The following SEMA5B variants were observed in gnomAD, a reference collection of about 807,000 sequenced individuals.
SEMA5B encodes semaphorin-5B.
Under a neutral mutation model 135.0 loss-of-function variants are expected in SEMA5B, and 66 were observed. The observed-to-expected ratio is 0.49, with a 90% CI of 0.40 to 0.60. SEMA5B has a LOEUF of 0.60. SEMA5B is among the 20% of genes least tolerant of loss of function. The probability of loss-of-function intolerance (pLI) is 0.00; values close to 1 mark genes in which losing one functional copy is unlikely to be tolerated. For synonymous variants in SEMA5B, 690 were observed against 639.5 expected (o/e 1.08, Z -1.19); for missense variants, 1,501 against 1,566.3 (o/e 0.96, Z 0.70).
In SEMA5B at chr3:122,979,568, CAT is replaced by C. The variant is rs1249365811; in HGVS notation, c.-38-18269_-38-18268del. Among the ~76,000 whole-genome samples, 6 of 152,298 alleles carry C rather than the reference CAT, an allele frequency of 3.9e-5. No individual in the cohort carries two copies. The South Asian group carries it at 6.2e-4, about 16-fold the overall frequency. ...TTCAGGGACTTGGAGATGAAATCCA[CAT>C]GTTACCCTATGGCAGCCTTAAGGGA... On this transcript the variant is annotated intron_variant, in intron 1 of 22. Coordinates refer to ENST00000357599, the MANE Select transcript of SEMA5B (RefSeq NM_001031702.4).
intron 3 of SEMA5B, among the ~76,000 whole-genome samples, chr3:122,948,107 A>G (rs1211795047): frequency 6.6e-6 from 1 of 152,114 alleles, no homozygotes; most frequent in African/African-American, 2.4e-5. Flanking sequence ...GACCCTAAAG[A>G]GAGGGATCCC....
At chr3:122,987,969 A>T (rs1427974938) in intron 1 of SEMA5B, among the ~76,000 whole-genome samples, 1 of 152,050 alleles carries the variant, frequency 6.6e-6, no homozygotes, top group Admixed American at 6.6e-5. Context: ...AAATGCTGAG[A>T]CCAGCCATAG....
At chr3:123,012,519 G>A (rs1025665337) in intron 1 of SEMA5B, among the ~76,000 whole-genome samples, 9 of 152,110 alleles carry the variant, frequency 5.9e-5, no homozygotes, top group Non-Finnish European at 1.2e-4. Context: ...CATCCTCCCC[G>A]GTCCTACCCT....
intron 1 of SEMA5B, among the ~76,000 whole-genome samples, chr3:122,973,817 G>C (rs112981031): frequency 2.0e-4 from 31 of 152,250 alleles, no homozygotes; most frequent in Admixed American, 1.9e-3. Context: ...AGTGGGGAAG[G>C]GCAGAGAGGG....
At chr3:122,958,680 G>A (rs962550446) in intron 2 of SEMA5B, among the ~76,000 whole-genome samples, 2 of 152,174 alleles carry the variant, frequency 1.3e-5, no homozygotes, top group African/African-American at 4.8e-5. Context: ...GGGGGACTGG[G>A]GCCCAGAGGG....
At chr3:123,007,786 G>A (rs1169718930) in intron 1 of SEMA5B, among the ~76,000 whole-genome samples, 1 of 152,162 alleles carries the variant, frequency 6.6e-6, no homozygotes, top group Non-Finnish European at 1.5e-5. Context: ...GTGAGAAATA[G>A]ATTCCATTTC....
At position 122,961,171 on chromosome 3, in the gene SEMA5B, T is replaced by C. The variant is rs369169747; in HGVS notation, c.93A>G (p.Thr31=). 5.6e-6 allele frequency: 9 copies of C among 1,613,388 alleles called. No individual in the cohort carries two copies. Among genetic ancestry groups the C allele is most frequent in the African/African-American group, 1.3e-5 (1 of 74,880 alleles). ...TPAQQLRCGW[T]VGGWLLSLVR... is the part of the protein sequence containing the mutation. ...CCAGTGAGAGAAGCCAGCCCCCTAC[T>C]GTCCATCCACACCTTAGCTGTTGGG... Residue 31 remains threonine, a synonymous_variant, in exon 2 of 23, where the codon ACA becomes ACG. Coordinates refer to ENST00000357599, the MANE Select transcript of SEMA5B (RefSeq NM_001031702.4).
chr3:122,961,286 C>T lies in SEMA5B; in HGVS notation c.-23G>A, dbSNP rs764209215. On this transcript the variant is annotated 5_prime_UTR_variant, in exon 2 of 23. Transcript: ENST00000357599. ...CATCCAAGAGACACAGGCCAGGCAC[C>T]AGCTGGAACCACTCACTGAAGGGGG... The T allele has an allele frequency of 3.4e-5, 55 of 1,613,478 alleles. No homozygotes were observed. Among genetic ancestry groups the T allele is most frequent in the Non-Finnish European group, 4.6e-5 (54 of 1,179,738 alleles).
chr3:122,930,417 G>A (rs1040348127), intron 5 of SEMA5B, among the ~76,000 whole-genome samples: 1 of 152,246 alleles, frequency 6.6e-6, no homozygotes, highest in Admixed American at 6.5e-5. Flanking sequence ...AGAAACAACC[G>A]AGCACTGTCA....
At chr3:122,997,567 A>T (rs1047999346) in intron 1 of SEMA5B, among the ~76,000 whole-genome samples, 2 of 149,642 alleles carry the variant, frequency 1.3e-5, no homozygotes, top group Non-Finnish European at 3.0e-5. Context: ...GGAGGCCAAG[A>T]GGGGTAATGG....
intron 1 of SEMA5B, among the ~76,000 whole-genome samples, chr3:122,971,755 C>T (rs1405977199): frequency 2.0e-5 from 3 of 152,184 alleles, no homozygotes; most frequent in African/African-American, 4.8e-5. Flanking sequence ...AGGTGCGGCA[C>T]GGTGAGAAGA....
chr3:122,933,322 C>T (rs1324694431), intron 5 of SEMA5B, among the ~76,000 whole-genome samples: 2 of 152,130 alleles, frequency 1.3e-5, no homozygotes, highest in East Asian at 1.9e-4. Flanking sequence ...TCTCTTCATA[C>T]TTGATTGGTA....
chr3:123,018,981 C>T (rs928163416), intron 1 of SEMA5B, among the ~76,000 whole-genome samples: 1 of 152,154 alleles, frequency 6.6e-6, no homozygotes, highest in Non-Finnish European at 1.5e-5. Flanking sequence ...GGGATGAGGA[C>T]ATGACCCAGG....
rs575126031 is a variant in SEMA5B at position 122,916,945 on chromosome 3, A to G, written c.1689-1055T>C. ...CATGCCCCAAATGCCTCCACTTCTC[A>G]TAGTCCAGAGCTTCTTTCTTCTTTT... On this transcript the variant is annotated intron_variant, in intron 12 of 22. Transcript: ENST00000357599. 3.9e-5 allele frequency among the ~76,000 whole-genome samples: 6 copies of G among 152,336 alleles called. No individual in the cohort carries two copies. The South Asian group carries it at 1.0e-3, about 26-fold the overall frequency.
At chr3:122,986,324 CA>C (rs754394797) in intron 1 of SEMA5B, among the ~76,000 whole-genome samples, 3 of 152,122 alleles carry the variant, frequency 2.0e-5, no homozygotes, top group Non-Finnish European at 2.9e-5. Context: ...TTGATATACC[CA>C]AAAAGCTAGT....
chr3:122,921,827 C>T, intron 12 of SEMA5B, 88 bp downstream of exon 12: 8 of 1,155,054 alleles, frequency 6.9e-6, no homozygotes, highest in Non-Finnish European at 9.5e-6. Flanking sequence ...CTGCAGGGAC[C>T]GACCCCAGGT....
chr3:122,976,245 T>C, intron 1 of SEMA5B: 1 of 1,314,446 alleles, frequency 7.6e-7, no homozygotes, highest in Non-Finnish European at 1.0e-6. Flanking sequence ...TTGTTTAAAA[T>C]GCAAATTCTC....
Position 122,912,952 on chromosome 3 carries a change from G to T in SEMA5B, c.2616C>A (p.Gly872=), listed in dbSNP as rs756284579. 37 of 1,612,456 alleles carry T rather than the reference G, an allele frequency of 2.3e-5. No individual in the cohort carries two copies. Among genetic ancestry groups the T allele is most frequent in the Middle Eastern group, 3.3e-4 (2 of 6,082 alleles). Residue 872 remains glycine (G), a synonymous_variant, in exon 18 of 23, where the codon GGC becomes GGA. Coordinates refer to ENST00000357599, the MANE Select transcript of SEMA5B (RefSeq NM_001031702.4). ...WSSCSRDCEL[G]FRVRKRTCTN... ...TGCACGTTCTCTTGCGGACGCGGAA[G>T]CCCAGCTCGCAGTCCCGGGAGCAGG...
At position 122,930,884 on chromosome 3, in the gene SEMA5B, G is replaced by A. The variant is rs151121170; in HGVS notation, c.475-1826C>T. ...AAACGAGAAACCCAAGATGACTCCAGACAATTGACACCAGAACTAAGCTCT... is the reference window on the plus strand; with the variant it reads ...AAACGAGAAACCCAAGATGACTCCAAACAATTGACACCAGAACTAAGCTCT... On this transcript the variant is annotated intron_variant, in intron 5 of 22. Coordinates refer to ENST00000357599, the MANE Select transcript of SEMA5B (RefSeq NM_001031702.4). Among the ~76,000 whole-genome samples the A allele has an allele frequency of 1.9e-4, 29 of 152,264 alleles. 1 individual carries two copies. Among genetic ancestry groups the A allele is most frequent in the African/African-American group, 7.0e-4 (29 of 41,536 alleles).
Sources: allele counts gnomAD v4.1 joint callset (sites outside exome capture counted in the v4.1 genomes callset), GRCh38; gene constraint gnomAD v4.1.1; transcripts MANE v1.5; gene names NCBI Gene and HGNC (gene_info 2026-07-23, HGNC 2026-07-21).